The following DNAI7 variants were observed in gnomAD, a reference collection of about 807,000 sequenced individuals.
DNAI7 encodes the protein cancer susceptibility 1.
A neutral mutation model predicts 86.6 loss-of-function variants in DNAI7; 78 were observed. The observed-to-expected ratio is 0.90, with a 90% CI of 0.75 to 1.09. The LOEUF is 1.09. Ranked by LOEUF, DNAI7 falls within the 50% of genes least tolerant of loss-of-function variation. The pLI, the probability that DNAI7 is intolerant of heterozygous loss-of-function variation, is 0.00. For missense variants in DNAI7, 753 were observed against 810.2 expected, an observed-to-expected ratio of 0.93 and a Z score of 0.86; for synonymous variants, 274 against 273.0, an observed-to-expected ratio of 1.00 and a Z score of -0.04.
At chr12:25,160,392 C>T (rs527478122) in intron 3 of DNAI7, among the ~76,000 whole-genome samples, 1 of 152,134 alleles carries the variant, frequency 6.6e-6, no homozygotes, top group Non-Finnish European at 1.5e-5. Context: ...GTAAAGCAAC[C>T]TTTTTCGATT....
intron 2 of DNAI7, chr12:25,185,822 C>G (rs182912907): frequency 1.1e-6 from 1 of 876,704 alleles, no homozygotes; most frequent in African/African-American, 1.8e-5. Flanking sequence ...CAGACTATAG[C>G]AATAAGCACC....
rs557309911 is a variant in DNAI7, at chr12:25,148,939, G to T, written c.585+689C>A. Among the ~76,000 whole-genome samples, 20 of 152,206 alleles carry T rather than the reference G, an allele frequency of 1.3e-4. 1 individual carries two copies. The South Asian group carries it at 2.5e-3, about 19-fold the overall frequency. On this transcript the variant is annotated intron_variant, in intron 7 of 15. Transcript: ENST00000395987. ...AATAAAAAGAAATCTGGTTCATGCTGATATTTCCATTTCAGATATAACATT... is the reference window on the plus strand; with the variant it reads ...AATAAAAAGAAATCTGGTTCATGCTTATATTTCCATTTCAGATATAACATT...
chr12:25,114,748 G>T lies in DNAI7; in HGVS notation c.1519C>A (p.Pro507Thr). ...GGTCTTAGTTCCCATGACTGGTACGGCATGTTAATATGAGCATCTTGAATC... is the reference window on the plus strand; with the variant it reads ...GGTCTTAGTTCCCATGACTGGTACGTCATGTTAATATGAGCATCTTGAATC... ...TLIQDAHINM[P>T]YQSWELRPLD... is the part of the protein sequence containing the mutation. The change falls in exon 13 of 16, where the codon CCG (proline) becomes ACG (threonine). Residue 507 changes from proline to threonine, a missense_variant. By Grantham distance (38) the Pro-to-Thr change is conservative. Transcript: ENST00000395987. The T allele has an allele frequency of 6.2e-7, 1 of 1,613,402 alleles. No homozygotes were observed. Among genetic ancestry groups the T allele is most frequent in the Non-Finnish European group, 8.5e-7 (1 of 1,179,432 alleles).
intron 9 of DNAI7, among the ~76,000 whole-genome samples, chr12:25,132,121 T>A (rs1325577190): frequency 2.0e-5 from 3 of 152,072 alleles, no homozygotes; most frequent in Admixed American, 6.5e-5. Flanking sequence ...ATCATGAACG[T>A]TCCCCCTTTA....
At chr12:25,182,347 C>CAAAA (rs1172587693) in intron 2 of DNAI7, among the ~76,000 whole-genome samples, 1 of 63,238 alleles carries the variant, frequency 1.6e-5, no homozygotes. Flanking sequence ...AACTTCATCT[C>CAAAA]AAAAAAAAAA....
At chr12:25,182,605 T>TACACACACAC (rs71065917) in intron 2 of DNAI7, among the ~76,000 whole-genome samples, 45,552 of 131,824 alleles carry the variant, frequency 0.35, 8,813 homozygotes, top group East Asian at 0.63. Flanking sequence ...TGAGACTGTC[T>TACACACACAC]ACACACACAC....
intron 2 of DNAI7, among the ~76,000 whole-genome samples, chr12:25,169,420 T>C (rs1212984462): frequency 6.6e-6 from 1 of 152,212 alleles, no homozygotes; most frequent in Non-Finnish European, 1.5e-5. Flanking sequence ...TCGCTGACTC[T>C]CTTTTCGGAC....
intron 1 of DNAI7, among the ~76,000 whole-genome samples, chr12:25,194,607 A>G (rs1950866465): frequency 6.6e-6 from 1 of 152,242 alleles, no homozygotes; most frequent in Non-Finnish European, 1.5e-5. Flanking sequence ...CTAATGCAGG[A>G]TGAGAACCTT....
chr12:25,156,120 A>C (rs1274967545), intron 4 of DNAI7, among the ~76,000 whole-genome samples: 1 of 152,186 alleles, frequency 6.6e-6, no homozygotes, highest in Non-Finnish European at 1.5e-5. Flanking sequence ...CAAAAAAAAA[A>C]AAGAATGCCC....
chr12:25,135,501 G>A lies in DNAI7; in HGVS notation c.1002+8864C>T, dbSNP rs934940402. Among the ~76,000 whole-genome samples, 23 of 152,246 alleles carry A rather than the reference G, an allele frequency of 1.5e-4. No homozygotes were observed. The East Asian group carries it at 4.3e-3, about 28-fold the overall frequency. ...CGGGAACAGGGGATGGGGGGCGGTG[G>A]GAAATGGGAAGTACAGACACAAGCA... On this transcript the variant is annotated intron_variant, in intron 9 of 15. Coordinates refer to ENST00000395987, the MANE Select transcript of DNAI7 (RefSeq NM_018272.5).
chr12:25,147,819 G>A (rs1342540195), intron 7 of DNAI7, among the ~76,000 whole-genome samples: 3 of 152,110 alleles, frequency 2.0e-5, no homozygotes, highest in Non-Finnish European at 4.4e-5. Context: ...TACTGCAAAA[G>A]TTAACCTATC....
chr12:25,159,384 G>A (rs1946581539), intron 3 of DNAI7, among the ~76,000 whole-genome samples: 1 of 148,222 alleles, frequency 6.7e-6, no homozygotes, highest in African/African-American at 2.5e-5. Context: ...ATCTCCTGCT[G>A]AATGTGTCAA....
intron 13 of DNAI7, among the ~76,000 whole-genome samples, chr12:25,113,565 G>T (rs1409954244): frequency 1.3e-5 from 2 of 152,098 alleles, no homozygotes; most frequent in African/African-American, 2.4e-5. Context: ...CTCCCAAAGT[G>T]CTAGGATTAC....
chr12:25,131,839 C>T (rs1474794118), intron 9 of DNAI7, among the ~76,000 whole-genome samples: 2 of 151,996 alleles, frequency 1.3e-5, no homozygotes, highest in South Asian at 4.2e-4. Context: ...TCATTGAGCC[C>T]TTATCATGAG....
At chr12:25,109,548 G>A (rs756107477) in intron 15 of DNAI7, among the ~76,000 whole-genome samples, 6 of 152,026 alleles carry the variant, frequency 3.9e-5, no homozygotes, top group East Asian at 1.9e-4. Flanking sequence ...CACTGCACCC[G>A]GCAAGGCTTC....
At chr12:25,184,933 C>T (rs1183774927) in intron 2 of DNAI7, among the ~76,000 whole-genome samples, 2 of 149,298 alleles carry the variant, frequency 1.3e-5, no homozygotes, top group African/African-American at 4.9e-5. Flanking sequence ...AGTTTGAGAC[C>T]ACCCTGGACA....
chr12:25,109,606 G>A (rs1329433080), intron 15 of DNAI7, among the ~76,000 whole-genome samples: 2 of 152,002 alleles, frequency 1.3e-5, no homozygotes, highest in Admixed American at 6.6e-5. Context: ...ACTCTGGCCT[G>A]GCTTGAAGTC....
At chr12:25,157,223 A>G (rs1429394453) in intron 4 of DNAI7, among the ~76,000 whole-genome samples, 1 of 146,232 alleles carries the variant, frequency 6.8e-6, no homozygotes, top group South Asian at 2.2e-4. Flanking sequence ...GCTTGCAGAG[A>G]GCAGAGATTG....
At chr12:25,110,292 T>C (rs1949709469) in intron 14 of DNAI7, 52 bp from the exon 15 acceptor site, 1 of 1,048,960 alleles carries the variant, frequency 9.5e-7, no homozygotes, top group Non-Finnish European at 1.5e-6. Context: ...CAACAAGTCT[T>C]CCTCCATCTT....
Sources: gnomAD v4.1 joint callset for allele counts (sites outside exome capture counted in the v4.1 genomes callset) on GRCh38, gnomAD v4.1.1 for gene constraint, MANE v1.5 for transcripts, NCBI Gene and HGNC (gene_info 2026-07-23, HGNC 2026-07-21) for gene names.